ENTREP2: variants seen among roughly 807,000 people sequenced by gnomAD.
ENTREP2 encodes protein ENTREP2.
At chr15:29,585,711 C>T in the ENTREP2 span, among the ~76,000 whole-genome samples, 159 of 152,240 alleles carry the variant, frequency 1.0e-3, no homozygotes, top group South Asian at 2.7e-3. Context: ...AAAAAATTAG[C>T]CGGGCGCGGT....
At chr15:29,155,179 G>C in the ENTREP2 span, among the ~76,000 whole-genome samples, 9 of 152,026 alleles carry the variant, frequency 5.9e-5, no homozygotes, top group Non-Finnish European at 2.9e-5. Context: ...CTACTTGGGA[G>C]GCTGAGGCAG....
chr15:29,287,631 G>T, the ENTREP2 span, among the ~76,000 whole-genome samples: 1 of 152,142 alleles, frequency 6.6e-6, no homozygotes, highest in African/African-American at 2.4e-5. Flanking sequence ...AATTACGTGA[G>T]ACCCAAATAC....
chr15:29,340,018 T>C, the ENTREP2 span, among the ~76,000 whole-genome samples: 1 of 152,236 alleles, frequency 6.6e-6, no homozygotes, highest in South Asian at 2.1e-4. Context: ...AGTATTTGTG[T>C]TAGGATAAGA....
the ENTREP2 span, among the ~76,000 whole-genome samples, chr15:29,220,583 C>A: frequency 3.3e-5 from 5 of 152,128 alleles, no homozygotes; most frequent in Non-Finnish European, 7.4e-5. Flanking sequence ...CTGCTAATTG[C>A]GTTTCTACCT....
the ENTREP2 span, among the ~76,000 whole-genome samples, chr15:29,428,788 A>G: frequency 3.9e-5 from 6 of 152,298 alleles, 1 homozygote; most frequent in Admixed American, 3.3e-4. Context: ...ACGGCATCCC[A>G]TTTAGAAACC....
At chr15:29,273,199 C>CTTTT in the ENTREP2 span, among the ~76,000 whole-genome samples, 235 of 133,826 alleles carry the variant, frequency 1.8e-3, 5 homozygotes, top group African/African-American at 3.7e-3. Flanking sequence ...ATAAATTAAA[C>CTTTT]TTTTTTTTTT....
the ENTREP2 span, among the ~76,000 whole-genome samples, chr15:29,410,934 C>T: frequency 7.2e-4 from 110 of 152,078 alleles, no homozygotes; most frequent in African/African-American, 2.1e-3. Context: ...TACAGGCGTG[C>T]GCCACCGCGC....
the ENTREP2 span, among the ~76,000 whole-genome samples, chr15:29,323,648 A>G: frequency 6.6e-6 from 1 of 152,082 alleles, no homozygotes; most frequent in Non-Finnish European, 1.5e-5. Context: ...TAGTGTTGGG[A>G]GAGGGGGCAG....
At chr15:29,134,659 G>A in the ENTREP2 span, among the ~76,000 whole-genome samples, 4 of 152,318 alleles carry the variant, frequency 2.6e-5, no homozygotes, top group East Asian at 1.9e-4. Flanking sequence ...TGCCTGCAAC[G>A]GTGACCAGTC....
At chr15:29,470,279 T>C in the ENTREP2 span, among the ~76,000 whole-genome samples, 1 of 152,142 alleles carries the variant, frequency 6.6e-6, no homozygotes, top group Admixed American at 6.5e-5. Flanking sequence ...ATCCGGAGGG[T>C]CCTGAGGCAG....
chr15:29,159,237 G>A, the ENTREP2 span, among the ~76,000 whole-genome samples: 1 of 151,998 alleles, frequency 6.6e-6, no homozygotes, highest in Non-Finnish European at 1.5e-5. Context: ...GACCTCCGCG[G>A]TGAGTGTTAC....
the ENTREP2 span, among the ~76,000 whole-genome samples, chr15:29,288,286 G>A: frequency 6.6e-6 from 1 of 152,202 alleles, no homozygotes; most frequent in African/African-American, 2.4e-5. Flanking sequence ...TGCATATACA[G>A]TCATGTGCCA....
chr15:29,577,349 T>TGTGTGTGTGTGTGTGTGAGA, the ENTREP2 span, among the ~76,000 whole-genome samples: 4 of 144,334 alleles, frequency 2.8e-5, no homozygotes, highest in African/African-American at 1.0e-4. Context: ...TGTGTGTGTG[T>TGTGTGTGTGTGTGTGTGAGA]GAGAGAGAGA....
chr15:29,280,998 T>C, the ENTREP2 span, among the ~76,000 whole-genome samples: 1 of 152,200 alleles, frequency 6.6e-6, no homozygotes, highest in African/African-American at 2.4e-5. Context: ...CCCGTGAAAT[T>C]TTCTTGAGCT....
At chr15:29,583,821 T>C in the ENTREP2 span, among the ~76,000 whole-genome samples, 1 of 152,164 alleles carries the variant, frequency 6.6e-6, no homozygotes, top group Non-Finnish European at 1.5e-5. Context: ...AGCACTGATA[T>C]ATTGCTCCTT....
the ENTREP2 span, among the ~76,000 whole-genome samples, chr15:29,333,457 A>G: frequency 5.9e-5 from 9 of 152,058 alleles, no homozygotes; most frequent in Non-Finnish European, 1.0e-4. Flanking sequence ...CATCAGGGTG[A>G]GCACCTGTGA....
chr15:29,428,413 C>T, the ENTREP2 span, among the ~76,000 whole-genome samples: 1 of 152,026 alleles, frequency 6.6e-6, no homozygotes, highest in African/African-American at 2.4e-5. Context: ...TGGGGTTTCA[C>T]CATGTTGACC....
the ENTREP2 span, among the ~76,000 whole-genome samples, chr15:29,643,369 C>T: frequency 6.6e-6 from 1 of 152,074 alleles, no homozygotes; most frequent in African/African-American, 2.4e-5. Context: ...AATAAGCACA[C>T]AAAAAGATGT....
At chr15:29,441,799 G>A in the ENTREP2 span, among the ~76,000 whole-genome samples, 100 of 152,198 alleles carry the variant, frequency 6.6e-4, 2 homozygotes, top group Middle Eastern at 0.024. Context: ...GTCATATGGT[G>A]GAGTCCTTGG....
Sources: allele counts gnomAD v4.1 joint callset (sites outside exome capture counted in the v4.1 genomes callset), GRCh38; gene constraint gnomAD v4.1.1; transcripts MANE v1.5; gene names NCBI Gene and HGNC (gene_info 2026-07-23, HGNC 2026-07-21).